DNAI2: variants seen among roughly 807,000 people sequenced by gnomAD.
DNAI2 encodes the protein dynein, axonemal, intermediate polypeptide 2.
A neutral mutation model predicts 74.7 loss-of-function variants in DNAI2; 63 were observed. The ratio of observed to expected loss-of-function variants is 0.84; its 90% confidence interval spans 0.69 to 1.04. The LOEUF is 1.04. DNAI2 is among the 50% of genes least tolerant of loss of function. The pLI is 0.00. For synonymous variants in DNAI2, 289 were observed against 314.9 expected, an observed-to-expected ratio of 0.92 and a Z score of 0.87; for missense variants, 688 against 803.2, an observed-to-expected ratio of 0.86 and a Z score of 1.73.
In DNAI2 at chr17:74,286,987, A is replaced by G; in HGVS notation, c.356A>G (p.His119Arg). ...ATGTGTCCCCCCTAGATCATGGAGC[A>G]CTGCATCAAGCAGAACAATGCCATT... Reference protein sequence around the residue: ...AIMQLGSIMEHCIKQNNAIDI... With the variant: ...AIMQLGSIMERCIKQNNAIDI... Residue 119 changes from histidine (H) to arginine (R), a missense_variant, in exon 4 of 14, where the codon CAC becomes CGC. His to Arg is a conservative substitution (Grantham distance 29). Coordinates refer to ENST00000311014, the MANE Select transcript of DNAI2 (RefSeq NM_023036.6). 1.9e-6 allele frequency: 3 copies of G among 1,613,886 alleles called. No homozygotes were observed. Among genetic ancestry groups the G allele is most frequent in the Non-Finnish European group, 2.5e-6 (3 of 1,179,830 alleles).
rs148885547 is a variant in DNAI2, at chr17:74,281,932, G to A, written c.115G>A (p.Glu39Lys). 1.2e-4 allele frequency: 189 copies of A among 1,614,154 alleles called. No individual in the cohort carries two copies. The highest frequency in any genetic ancestry group is 1.4e-4 in the Non-Finnish European group (164 of 1,180,030). ...IDIMPNPELAEQFVERNPVDT... is the reference protein window; with the variant it reads ...IDIMPNPELAKQFVERNPVDT... ...CATCATGCCCAACCCTGAGCTGGCC[G>A]AGCAGTTCGTGGAGCGGAACCCAGT... The change falls in exon 2 of 14, where the codon GAG becomes AAG. Residue 39 changes from glutamate (E) to lysine (K), a missense_variant. Glu to Lys is a moderately conservative substitution (Grantham distance 56). Transcript: ENST00000311014.
chr17:74,300,623 C>G lies in DNAI2; in HGVS notation c.865-423C>G, dbSNP rs564640976. On this transcript the variant is annotated intron_variant, in intron 7 of 13. Transcript: ENST00000311014. This position sits in a 1 kb window ranked among gnomAD's most constrained non-coding sequence, Gnocchi z 4.5. Reference sequence around the variant, plus strand: ...CCCCAAAAAATACAGCAAAGAGCATCTTTATACACAGATTGTTGCACACAT... The same window carrying G: ...CCCCAAAAAATACAGCAAAGAGCATGTTTATACACAGATTGTTGCACACAT... 6.6e-6 allele frequency among the ~76,000 whole-genome samples: 1 copy of G among 152,216 alleles called. No individual in the cohort carries two copies. Among genetic ancestry groups the G allele is most frequent in the Non-Finnish European group, 1.5e-5 (1 of 68,046 alleles).
intron 6 of DNAI2, among the ~76,000 whole-genome samples, chr17:74,295,253 T>A (rs1439539006): frequency 1.3e-3 from 51 of 38,754 alleles, no homozygotes; most frequent in Admixed American, 2.2e-3. Context: ...AAAAAAAAAA[T>A]CAGCCAGGTG....
At chr17:74,285,263 T>G in intron 3 of DNAI2, 62 bp downstream of exon 3, 8 of 1,587,414 alleles carry the variant, frequency 5.0e-6, no homozygotes, top group Middle Eastern at 1.7e-4. Flanking sequence ...CCCCAAGGGA[T>G]GCACTGCCCC....
Position 74,299,846 on chromosome 17 carries a change from A to G in DNAI2, c.853A>G (p.Thr285Ala). The change falls in exon 7 of 14, where the codon ACG (threonine) becomes GCG (alanine). Residue 285 changes from threonine (T) to alanine (A), a missense_variant. Physicochemically the swap from Thr to Ala is moderately conservative, Grantham distance 58. Transcript: ENST00000311014. Reference sequence around the variant, plus strand: ...GGGCACCGAGTGCTTCTCAGCTTCCACGGATGGGCAGGTACCCACCAGCCA... The same window carrying G: ...GGGCACCGAGTGCTTCTCAGCTTCCGCGGATGGGCAGGTACCCACCAGCCA... ...KTGTECFSAS[T>A]DGQVMWWDIR... is the part of the protein sequence containing the mutation. 1.2e-6 allele frequency: 2 copies of G among 1,613,394 alleles called. No individual in the cohort carries two copies. The highest frequency in any genetic ancestry group is 3.3e-4 in the Middle Eastern group (2 of 6,062).
Position 74,291,067 on chromosome 17 carries a change from G to T in DNAI2, c.658G>T (p.Val220Leu), listed in dbSNP as rs376885226. 1.9e-6 allele frequency: 3 copies of T among 1,614,158 alleles called. No individual in the cohort carries two copies. Among genetic ancestry groups the T allele is most frequent in the Non-Finnish European group, 2.5e-6 (3 of 1,180,038 alleles). The change falls in exon 6 of 14, where the codon GTG becomes TTG. Residue 220 changes from valine (V) to leucine (L), a missense_variant. Val to Leu is a conservative substitution (Grantham distance 32). Coordinates refer to ENST00000311014, the MANE Select transcript of DNAI2 (RefSeq NM_023036.6). ...TGCTCTGAAGCCATCGTCTCCACTC[G>T]TGACGTTGGAGTTCAACCCCAAAGA... ...ELALKPSSPL[V>L]TLEFNPKDSH...
chr17:74,288,017 G>A (rs989132260), intron 4 of DNAI2, among the ~76,000 whole-genome samples: 6 of 151,164 alleles, frequency 4.0e-5, no homozygotes, highest in African/African-American at 1.5e-4. Flanking sequence ...CCAGGATTCA[G>A]TATGTGAAAA....
At chr17:74,308,235 G>A (rs2053300969) in intron 9 of DNAI2, among the ~76,000 whole-genome samples, 2 of 152,238 alleles carry the variant, frequency 1.3e-5, no homozygotes, top group South Asian at 4.1e-4. Context: ...AATGGAGGAA[G>A]GGAGAGGAGG....
chr17:74,289,836 C>T (rs191647843), intron 5 of DNAI2, 100 bp downstream of exon 5: 23 of 1,505,768 alleles, frequency 1.5e-5, no homozygotes, highest in Non-Finnish European at 1.9e-5. Flanking sequence ...AGGACACTCA[C>T]GCGGTTGGTG....
chr17:74,301,251 G>A, intron 8 of DNAI2, 83 bp downstream of exon 8: 1 of 1,595,928 alleles, frequency 6.3e-7, no homozygotes, highest in Non-Finnish European at 8.6e-7. Context: ...AGGATATCAG[G>A]TGCTCGTGGA....
At chr17:74,299,240 G>C (rs2052618476) in intron 6 of DNAI2, among the ~76,000 whole-genome samples, 1 of 152,158 alleles carries the variant, frequency 6.6e-6, no homozygotes, top group African/African-American at 2.4e-5. Flanking sequence ...AGGTACAAAG[G>C]ATAAGAGGAA....
At chr17:74,289,882 A>C (rs1567850966) in intron 5 of DNAI2, 146 bp downstream of exon 5, 3 of 944,946 alleles carry the variant, frequency 3.2e-6, no homozygotes, top group South Asian at 3.1e-5. Context: ...GGAGGAACAC[A>C]CTCTTCTCCT....
At chr17:74,279,567 A>G (rs1341169257) in intron 1 of DNAI2, among the ~76,000 whole-genome samples, 1 of 152,170 alleles carries the variant, frequency 6.6e-6, no homozygotes, top group African/African-American at 2.4e-5. Context: ...TTGCTCTGTC[A>G]TCCAGGCTGG....
rs771686170 is a variant in DNAI2 at position 74,309,304 on chromosome 17, C to T, written c.1263C>T (p.Thr421=). The T allele has an allele frequency of 1.5e-5, 24 of 1,614,076 alleles. No homozygotes were observed. In the Admixed American group the frequency reaches 1.7e-4, roughly 11 times the overall value. ...CTGCCTGGAGCCCCGTGAGGCCGAC[C>T]GTTTTCTTTACCACCAGGATGGACG... is the stretch of plus-strand genomic sequence containing the variant. The part of the protein sequence containing the change: ...TDAAWSPVRP[T]VFFTTRMDGT... Residue 421 remains threonine, a synonymous_variant, in exon 10 of 14, where the codon ACC becomes ACT. Coordinates refer to ENST00000311014, the MANE Select transcript of DNAI2 (RefSeq NM_023036.6).
At chr17:74,305,963 C>T (rs779618772) in intron 9 of DNAI2, among the ~76,000 whole-genome samples, 1 of 152,174 alleles carries the variant, frequency 6.6e-6, no homozygotes, top group Non-Finnish European at 1.5e-5. Context: ...TGAGCCACCG[C>T]GTCTGGCTGG....
At chr17:74,302,435 C>T (rs1222955120) in intron 8 of DNAI2, among the ~76,000 whole-genome samples, 5 of 152,138 alleles carry the variant, frequency 3.3e-5, no homozygotes, top group Non-Finnish European at 4.4e-5. Flanking sequence ...GGCGTGGAGG[C>T]GCACGCCTGT....
rs1287798135 is a variant in DNAI2 at position 74,299,721 on chromosome 17, G to A, written c.728G>A (p.Cys243Tyr). ...LGGCYNGQIA[C>Y]WDTRKGSLVA... is the part of the protein sequence containing the mutation. Reference sequence around the variant, plus strand: ...TCTTCATCTCCTTCCTCACCAGCCTGCTGGGACACCCGAAAGGGCAGCCTG... The same window carrying A: ...TCTTCATCTCCTTCCTCACCAGCCTACTGGGACACCCGAAAGGGCAGCCTG... The change falls in exon 7 of 14, where the codon TGC becomes TAC. Residue 243 changes from cysteine (C) to tyrosine (Y), a missense_variant. Physicochemically the swap from Cys to Tyr is radical, Grantham distance 194 (BLOSUM62 -2). Transcript: ENST00000311014. 1.2e-6 allele frequency: 2 copies of A among 1,613,328 alleles called. No individual in the cohort carries two copies. Among genetic ancestry groups the A allele is most frequent in the Non-Finnish European group, 1.7e-6 (2 of 1,180,036 alleles).
rs2144151747 is a variant in DNAI2, at chr17:74,314,575, T to C, written c.*56-14T>C. 3.2e-6 allele frequency: 1 copy of C among 313,354 alleles called. No individual in the cohort carries two copies. The highest frequency in any genetic ancestry group is 2.8e-5 in the South Asian group (1 of 35,168). The allele number at this position is 313,354 out of a possible 1,614,324, so 19.4% of individuals were successfully genotyped here. The stretch of plus-strand genomic sequence containing the variant: ...CAGGCTCCCCAGCAATCATTTTCGT[T>C]TGTAACCTTGCAGACCCTCAACCAG... On this transcript the variant is annotated splice_polypyrimidine_tract_variant and intron_variant, in intron 13 of 13. Coordinates refer to ENST00000311014, the MANE Select transcript of DNAI2 (RefSeq NM_023036.6).
At position 74,300,397 on chromosome 17, in the gene DNAI2, C is replaced by T. The variant is rs551363710; in HGVS notation, c.864+540C>T. On this transcript the variant is annotated intron_variant, in intron 7 of 13. Transcript: ENST00000311014. The surrounding 1 kb of genome is among the most constrained non-coding windows in gnomAD (Gnocchi z 4.5). The stretch of plus-strand genomic sequence containing the variant: ...TGTCTGCCTTCAGAGCTAGTCTCTG[C>T]GTATGCAAGGAAACACACCTCTCTC... Among the ~76,000 whole-genome samples, 1 of 152,218 alleles carries T rather than the reference C, an allele frequency of 6.6e-6. No homozygotes were observed. The highest frequency in any genetic ancestry group is 1.5e-5 in the Non-Finnish European group (1 of 68,042).
Sources: allele counts gnomAD v4.1 joint callset (sites outside exome capture counted in the v4.1 genomes callset), GRCh38; gene constraint gnomAD v4.1.1; non-coding constraint Gnocchi (gnomAD v3.1); transcripts MANE v1.5; gene names NCBI Gene and HGNC (gene_info 2026-07-23, HGNC 2026-07-21).